PCDHGA9: variants seen among roughly 807,000 people sequenced by gnomAD.
The protein encoded by PCDHGA9 is protocadherin gamma-A9.
Under a neutral mutation model 62.5 loss-of-function variants are expected in PCDHGA9, and 37 were observed. That is an observed-to-expected ratio of 0.59 (90% CI 0.46 to 0.78). PCDHGA9 has a LOEUF of 0.78. Among genes scored for constraint, PCDHGA9 ranks in the 30% least tolerant of loss-of-function variants. PCDHGA9 has a pLI of 0.00. For missense variants in PCDHGA9, 1,138 were observed against 1,166.2 expected, an observed-to-expected ratio of 0.98 and a Z score of 0.35; for synonymous variants, 459 against 484.6, an observed-to-expected ratio of 0.95 and a Z score of 0.69.
intron 1 of PCDHGA9, among the ~76,000 whole-genome samples, chr5:141,450,503 T>G (rs1196541899): frequency 3.3e-5 from 5 of 152,258 alleles, no homozygotes; most frequent in Admixed American, 6.5e-5. Context: ...TTGTTTGTTT[T>G]GAGATGGAGT....
chr5:141,434,992 C>A (rs2097735368), intron 1 of PCDHGA9, among the ~76,000 whole-genome samples: 1 of 151,902 alleles, frequency 6.6e-6, no homozygotes, highest in Non-Finnish European at 1.5e-5. Context: ...ATATCATTTT[C>A]TAGCTGAATT....
rs1156915249 is a variant in PCDHGA9, at chr5:141,426,840, G to C, written c.2424+21464G>C. 8.8e-6 allele frequency: 4 copies of C among 456,584 alleles called. No individual in the cohort carries two copies. In the East Asian group the frequency reaches 2.8e-4, roughly 32 times the overall value. The allele number at this position is 456,584 out of a possible 1,614,324, so 28.3% of individuals were successfully genotyped here. A position where few individuals can be genotyped will look rare whatever the true frequency, so the allele number is the denominator to read the frequency against. On this transcript the variant is annotated intron_variant, in intron 1 of 3. Transcript: ENST00000573521. Reference sequence around the variant, plus strand: ...CTCTCTGATGATGGACAAGACTAAAGGCAAGAACGCTCCAGAATTAGTGCT... The same window carrying C: ...CTCTCTGATGATGGACAAGACTAAACGCAAGAACGCTCCAGAATTAGTGCT...
rs748950800 is a variant in PCDHGA9, at chr5:141,476,983, C to T, written c.2425-17824C>T. ...ACTCCTTCGGCAGCCACAACCGCGC[C>T]GGCGTGCGGCAACTATTCGCCTTAG... On this transcript the variant is annotated intron_variant, in intron 1 of 3. Transcript: ENST00000573521. The surrounding 1 kb of genome is among the most constrained non-coding windows in gnomAD (Gnocchi z 7.6). 12 of 1,614,096 alleles carry T rather than the reference C, an allele frequency of 7.4e-6. No individual in the cohort carries two copies. The highest frequency in any genetic ancestry group is 8.5e-7 in the Non-Finnish European group (1 of 1,180,046).
At chr5:141,500,045 T>C (rs2099796072) in intron 2 of PCDHGA9, among the ~76,000 whole-genome samples, 1 of 152,062 alleles carries the variant, frequency 6.6e-6, no homozygotes, top group South Asian at 2.1e-4. Flanking sequence ...CTTAAGTATC[T>C]TAATGCTCTT....
intron 1 of PCDHGA9, among the ~76,000 whole-genome samples, chr5:141,445,597 G>T (rs2098471988): frequency 6.6e-6 from 1 of 152,200 alleles, no homozygotes; most frequent in African/African-American, 2.4e-5. Context: ...TAATCTGAAG[G>T]TCAAGGAAGG....
chr5:141,499,888 A>G (rs574246186), intron 2 of PCDHGA9, among the ~76,000 whole-genome samples: 105 of 152,174 alleles, frequency 6.9e-4, no homozygotes, highest in African/African-American at 2.4e-3. Flanking sequence ...GGGTTTCGCC[A>G]TGTTGGCCAG....
rs1197249074 is a variant in PCDHGA9 at position 141,438,579 on chromosome 5, CATACATACATACATATATAT to C, written c.2424+33207_2424+33226del. ...AAGAGGCAGCTGTCTGATATACATACATACATACATACATATATATATATATATATATATATATATATATA... is the reference window on the plus strand; with the variant it reads ...AAGAGGCAGCTGTCTGATATACATACATATATATATATATATATATATATA... On this transcript the variant is annotated intron_variant, in intron 1 of 3. Transcript: ENST00000573521. Among the ~76,000 whole-genome samples the C allele has an allele frequency of 5.3e-3, 298 of 55,734 alleles. 1 individual carries two copies. Among genetic ancestry groups the C allele is most frequent in the Admixed American group, 0.022 (77 of 3,542 alleles). The allele number at this position is 55,734 out of a possible 152,430, so 36.6% of individuals were successfully genotyped here.
chr5:141,475,577 T>C (rs2099365697), intron 1 of PCDHGA9, among the ~76,000 whole-genome samples: 1 of 152,228 alleles, frequency 6.6e-6, no homozygotes, highest in Non-Finnish European at 1.5e-5. Context: ...ACAAGCCAGA[T>C]TTGTTGGTGT....
Position 141,477,983 on chromosome 5 carries a change from C to T in PCDHGA9, c.2425-16824C>T. 1 of 1,614,126 alleles carries T rather than the reference C, an allele frequency of 6.2e-7. No individual in the cohort carries two copies. Among genetic ancestry groups the T allele is most frequent in the Non-Finnish European group, 8.5e-7 (1 of 1,180,024 alleles). ...TAACCAGAGCCTTTTTGCCATAGGGCTGCACACTGGTCAAATCAGTACTGC... is the reference window on the plus strand; with the variant it reads ...TAACCAGAGCCTTTTTGCCATAGGGTTGCACACTGGTCAAATCAGTACTGC... On this transcript the variant is annotated intron_variant, in intron 1 of 3. Coordinates refer to ENST00000573521, the MANE Select transcript of PCDHGA9 (RefSeq NM_018921.3). The surrounding 1 kb of genome is among the most constrained non-coding windows in gnomAD (Gnocchi z 4.9).
intron 1 of PCDHGA9, chr5:141,427,590 C>G (rs768990626): frequency 5.9e-6 from 4 of 678,892 alleles, no homozygotes; most frequent in Non-Finnish European, 1.1e-5. Flanking sequence ...CAGCACAAGC[C>G]TCACCCTACG....
At chr5:141,433,111 C>T (rs2097569323) in intron 1 of PCDHGA9, 1 of 1,613,966 alleles carries the variant, frequency 6.2e-7, no homozygotes, top group African/African-American at 1.3e-5. Context: ...GCCAGGAGAG[C>T]TTTGAAAAAA....
chr5:141,445,115 A>G (rs1038787011), intron 1 of PCDHGA9, among the ~76,000 whole-genome samples: 1 of 152,308 alleles, frequency 6.6e-6, no homozygotes, highest in East Asian at 1.9e-4. Flanking sequence ...GTTATTGTAA[A>G]TAGTATTTTT....
At chr5:141,454,871 G>A (rs1337911223) in intron 1 of PCDHGA9, among the ~76,000 whole-genome samples, 2 of 129,030 alleles carry the variant, frequency 1.6e-5, no homozygotes, top group Non-Finnish European at 3.1e-5. Context: ...GCAGTGGCAC[G>A]ATCTTGGCTC....
rs1561689160 is a variant in PCDHGA9, at chr5:141,403,620, C to T, written c.668C>T (p.Ser223Phe). 6.2e-7 allele frequency: 1 copy of T among 1,613,916 alleles called. No homozygotes were observed. Among genetic ancestry groups the T allele is most frequent in the Non-Finnish European group, 8.5e-7 (1 of 1,179,894 alleles). Residue 223 changes from serine (S) to phenylalanine (F), a missense_variant, in exon 1 of 4, where the codon TCC becomes TTC. Transcript: ENST00000573521. ...TCGGATGGCGGCGAGCCGCGTCGCT[C>T]CAGCACAGTGCGCATCCATGTGACA... ...TASDGGEPRR[S>F]STVRIHVTVL...
At position 141,431,566 on chromosome 5, in the gene PCDHGA9, T is replaced by G; in HGVS notation, c.2424+26190T>G. ...TGCTTGTAGTCAACGCTACCGACCCTGACGAAGGAGTCAATGCGGAAGTGA... is the reference window on the plus strand; with the variant it reads ...TGCTTGTAGTCAACGCTACCGACCCGGACGAAGGAGTCAATGCGGAAGTGA... On this transcript the variant is annotated intron_variant, in intron 1 of 3. Transcript: ENST00000573521. This position sits in a 1 kb window ranked among gnomAD's most constrained non-coding sequence, Gnocchi z 4.8. 6.2e-7 allele frequency: 1 copy of G among 1,614,128 alleles called. No homozygotes were observed. The highest frequency in any genetic ancestry group is 1.1e-5 in the South Asian group (1 of 91,088).
intron 1 of PCDHGA9, among the ~76,000 whole-genome samples, chr5:141,462,442 A>C (rs890167032): frequency 1.3e-5 from 2 of 152,150 alleles, no homozygotes; most frequent in African/African-American, 4.8e-5. Context: ...GCTTACACAC[A>C]ACTGTGTAAC....
intron 1 of PCDHGA9, chr5:141,479,691 C>T (rs2099503603): frequency 6.6e-6 from 1 of 152,206 alleles, no homozygotes; most frequent in Non-Finnish European, 1.5e-5. Context: ...TTTGGTGCCT[C>T]CAGTGTTAGT....
chr5:141,413,442 C>T, intron 1 of PCDHGA9: 5 of 1,614,090 alleles, frequency 3.1e-6, no homozygotes, highest in Non-Finnish European at 8.5e-7. Flanking sequence ...GCAGCTTGAT[C>T]ACCGCGGGCA....
At chr5:141,469,259 A>G (rs1263722797) in intron 1 of PCDHGA9, among the ~76,000 whole-genome samples, 1 of 151,822 alleles carries the variant, frequency 6.6e-6, no homozygotes, top group Admixed American at 6.6e-5. Flanking sequence ...CTTGGGCAAC[A>G]GAGCAAGACC....
Sources: gnomAD v4.1 joint callset for allele counts (sites outside exome capture counted in the v4.1 genomes callset) on GRCh38, gnomAD v4.1.1 for gene constraint, Gnocchi (gnomAD v3.1) non-coding constraint, MANE v1.5 for transcripts, NCBI Gene and HGNC (gene_info 2026-07-23, HGNC 2026-07-21) for gene names.